Variants in KSR1 observed in about 807,000 individuals in gnomAD.
KSR1 encodes the protein kinase suppressor of ras 1.
A neutral mutation model predicts 92.9 loss-of-function variants in KSR1; 35 were observed. That is an observed-to-expected ratio of 0.38 (90% confidence interval 0.29 to 0.50). The LOEUF is 0.50. KSR1 is among the 20% of genes least tolerant of loss of function. The pLI, the probability that KSR1 is intolerant of heterozygous loss-of-function variation, is 0.94. For missense variants in KSR1, 972 were observed against 1,158.5 expected (o/e 0.84, Z 2.34); for synonymous variants, 467 against 472.6 (o/e 0.99, Z 0.15).
rs148555932 is a variant in KSR1 at position 27,592,517 on chromosome 17, C to T, written c.1193-3C>T. On this transcript the variant is annotated splice_region_variant and splice_polypyrimidine_tract_variant and intron_variant, in intron 8 of 20. Coordinates refer to ENST00000644974, the MANE Select transcript of KSR1 (RefSeq NM_001394583.1). The stretch of plus-strand genomic sequence containing the variant: ...GTGATGGGTTTTCCCTCTTTTCAAA[C>T]AGTAACTCGGCTTCGGAGGACAGAA... 2 of 1,613,808 alleles carry T rather than the reference C, an allele frequency of 1.2e-6. No individual in the cohort carries two copies. The highest frequency in any genetic ancestry group is 2.2e-5 in the East Asian group (1 of 44,892).
intron 1 of KSR1, among the ~76,000 whole-genome samples, chr17:27,494,022 G>A (rs1164783823): frequency 6.6e-6 from 1 of 152,104 alleles, no homozygotes; most frequent in Non-Finnish European, 1.5e-5. Flanking sequence ...GAGGTGGTTT[G>A]TAGCAGCTGT....
chr17:27,621,838 T>C, intron 20 of KSR1: 2 of 1,303,182 alleles, frequency 1.5e-6, no homozygotes, highest in South Asian at 1.2e-5. Flanking sequence ...CCTGCCCAGC[T>C]GCTCTGGCCA....
intron 1 of KSR1, among the ~76,000 whole-genome samples, chr17:27,491,930 G>C (rs910285299): frequency 2.6e-5 from 4 of 152,192 alleles, no homozygotes; most frequent in African/African-American, 9.7e-5. Context: ...TCTGTTAAGG[G>C]AGCAGTTGGT....
intron 1 of KSR1, among the ~76,000 whole-genome samples, chr17:27,539,412 GGCT>G (rs2070875503): frequency 6.6e-6 from 1 of 152,208 alleles, no homozygotes; most frequent in South Asian, 2.1e-4. Flanking sequence ...CGAGCAGCAG[GGCT>G]GCTGTGTCAT....
intron 2 of KSR1, among the ~76,000 whole-genome samples, chr17:27,571,913 C>T (rs1276667962): frequency 6.6e-6 from 1 of 152,240 alleles, no homozygotes; most frequent in Non-Finnish European, 1.5e-5. Context: ...GTATAGACCC[C>T]AGGCAGCCCC....
chr17:27,509,674 C>CAAAA (rs796737773), intron 1 of KSR1, among the ~76,000 whole-genome samples: 1 of 120,428 alleles, frequency 8.3e-6, no homozygotes, highest in Non-Finnish European at 1.8e-5. Flanking sequence ...AACAAACAAA[C>CAAAA]AACAACAAAA....
intron 1 of KSR1, among the ~76,000 whole-genome samples, chr17:27,497,911 C>CA (rs1468099926): frequency 6.6e-6 from 1 of 152,190 alleles, no homozygotes; most frequent in Admixed American, 6.5e-5. Context: ...GCAAGACCGT[C>CA]ACGGTGGCAG....
At chr17:27,601,454 C>G in intron 11 of KSR1, 53 bp downstream of exon 11, 1 of 1,514,780 alleles carries the variant, frequency 6.6e-7, no homozygotes, top group Non-Finnish European at 9.2e-7. Flanking sequence ...CCCCTTCTGT[C>G]CTGCCCACCT....
intron 18 of KSR1, among the ~76,000 whole-genome samples, chr17:27,616,805 G>A (rs934077963): frequency 5.9e-5 from 9 of 152,206 alleles, no homozygotes; most frequent in Non-Finnish European, 1.0e-4. Context: ...GGGGGCAGTC[G>A]GGACAGCTGT....
chr17:27,471,551 T>C (rs2020002638), intron 1 of KSR1, among the ~76,000 whole-genome samples: 1 of 152,118 alleles, frequency 6.6e-6, no homozygotes, highest in African/African-American at 2.4e-5. Flanking sequence ...GAGGCTGGTG[T>C]GCCTGGAACA....
Position 27,604,726 on chromosome 17 carries a change from G to A in KSR1, c.1612G>A (p.Glu538Lys). Residue 538 changes from glutamate (E) to lysine (K), a missense_variant and splice_region_variant, in exon 13 of 21, where the codon GAG (glutamate) becomes AAG (lysine). Physicochemically the swap from Glu to Lys is moderately conservative, Grantham distance 56. Transcript: ENST00000644974. The stretch of plus-strand genomic sequence containing the variant: ...AGATGTGTTGGAAGCTCACGAAGCG[G>A]AGGTGAGGGTGACACACACGTGTCC... ...KADVLEAHEA[E>K]AEEPEAGKSE... The A allele has an allele frequency of 6.2e-7, 1 of 1,614,074 alleles. No homozygotes were observed. Among genetic ancestry groups the A allele is most frequent in the Non-Finnish European group, 8.5e-7 (1 of 1,179,892 alleles).
chr17:27,490,835 C>A (rs2068800104), intron 1 of KSR1, among the ~76,000 whole-genome samples: 1 of 152,092 alleles, frequency 6.6e-6, no homozygotes, highest in Non-Finnish European at 1.5e-5. Context: ...CACATACAAG[C>A]ATAAGTACAA....
chr17:27,521,577 A>G (rs1482906952), intron 1 of KSR1, among the ~76,000 whole-genome samples: 2 of 152,116 alleles, frequency 1.3e-5, no homozygotes, highest in African/African-American at 2.4e-5. Context: ...GATCACAGAC[A>G]TGAGCCACCA....
chr17:27,488,883 G>C (rs757342004), intron 1 of KSR1, among the ~76,000 whole-genome samples: 9 of 152,220 alleles, frequency 5.9e-5, no homozygotes, highest in Non-Finnish European at 1.2e-4. Flanking sequence ...AGAATTGCTT[G>C]AACCCGGGAG....
rs1165481255 is a variant in KSR1 at position 27,457,002 on chromosome 17, C to T, written c.231+128C>T. 7.6e-6 allele frequency: 5 copies of T among 657,280 alleles called. No individual in the cohort carries two copies. The African/African-American group carries it at 9.3e-5, about 12-fold the overall frequency. The allele number at this position is 657,280 out of a possible 1,614,324, so 40.7% of individuals were successfully genotyped here. A position where few individuals can be genotyped will look rare whatever the true frequency, so the allele number is the denominator to read the frequency against. ...CCCCCTTGGAGGCTTCCCCTCCCTCCTGCACTCGCTGATGCGGCAGCCGGA... is the reference window on the plus strand; with the variant it reads ...CCCCCTTGGAGGCTTCCCCTCCCTCTTGCACTCGCTGATGCGGCAGCCGGA... On this transcript the variant is annotated intron_variant, in intron 1 of 20. Transcript: ENST00000644974.
intron 1 of KSR1, among the ~76,000 whole-genome samples, chr17:27,461,807 G>A (rs1223592047): frequency 6.6e-6 from 1 of 152,202 alleles, no homozygotes; most frequent in Non-Finnish European, 1.5e-5. Flanking sequence ...TCTTCTTGGA[G>A]TGGTCTGGGC....
chr17:27,560,330 G>T, intron 2 of KSR1: 1 of 454,068 alleles, frequency 2.2e-6, no homozygotes, highest in Non-Finnish European at 4.4e-6. Flanking sequence ...GGCAAGCGCT[G>T]CCTGAGCAGT....
In KSR1 at chr17:27,559,986, GAAAAT is replaced by G. The variant is rs2151111266; in HGVS notation, c.372+9283_372+9287del. 6.6e-6 allele frequency among the ~76,000 whole-genome samples: 1 copy of G among 152,342 alleles called. No individual in the cohort carries two copies. Among genetic ancestry groups the G allele is most frequent in the South Asian group, 2.1e-4 (1 of 4,830 alleles). On this transcript the variant is annotated intron_variant, in intron 2 of 20. Coordinates refer to ENST00000644974, the MANE Select transcript of KSR1 (RefSeq NM_001394583.1). The surrounding 1 kb of genome is among the most constrained non-coding windows in gnomAD (Gnocchi z 4.2). ...AAATGAACATTAGAATTGTTTAAAG[GAAAAT>G]AAAACTAGCAAGAAGGCTGCATTCA...
At chr17:27,474,752 G>A (rs990623957) in intron 1 of KSR1, among the ~76,000 whole-genome samples, 3 of 152,164 alleles carry the variant, frequency 2.0e-5, no homozygotes, top group African/African-American at 7.2e-5. Context: ...GGACACAAAT[G>A]TAGACCTTGT....
Sources: allele counts gnomAD v4.1 joint callset (sites outside exome capture counted in the v4.1 genomes callset), GRCh38; gene constraint gnomAD v4.1.1; non-coding constraint Gnocchi (gnomAD v3.1); transcripts MANE v1.5; gene names NCBI Gene and HGNC (gene_info 2026-07-23, HGNC 2026-07-21).